Variants in CISD3 observed in about 807,000 individuals in gnomAD.
CISD3 encodes CDGSH iron-sulfur domain-containing protein 3, mitochondrial.
CISD3 carries 11 observed loss-of-function variants against 14.1 expected under a neutral mutation model. The observed-to-expected ratio is 0.78, with a 90% CI of 0.49 to 1.29. CISD3 has a LOEUF of 1.29. Among genes scored for constraint, CISD3 ranks in the 50% most tolerant of loss-of-function variants. The pLI, the probability that CISD3 is intolerant of heterozygous loss-of-function variation, is 0.00. For synonymous variants in CISD3, 53 were observed against 69.2 expected (o/e 0.77, Z 1.16); for missense variants, 156 against 171.6 (o/e 0.91, Z 0.51).
rs1906572977 is a variant in CISD3 at position 38,735,062 on chromosome 17, G to T, written c.*1607G>T. 1.6e-5 allele frequency: 7 copies of T among 449,672 alleles called. No individual in the cohort carries two copies. Among genetic ancestry groups the T allele is most frequent in the East Asian group, 1.1e-4 (3 of 28,392 alleles). The allele number at this position is 449,672 out of a possible 1,614,324, so 27.9% of individuals were successfully genotyped here. On this transcript the variant is annotated 3_prime_UTR_variant, in exon 4 of 4. Coordinates refer to ENST00000613478, the MANE Select transcript of CISD3 (RefSeq NM_001136498.2). ...CATAGAAAATAAGTATGTATATTTG[G>T]TTTTTCCTATGTACATATATATATA...
At chr17:38,731,028 G>C in intron 2 of CISD3, 1 of 635,442 alleles carries the variant, frequency 1.6e-6, no homozygotes, top group South Asian at 2.0e-5. Context: ...CCTGCCGTAG[G>C]CTGGAAGGAT....
At chr17:38,732,202 T>G (rs896700633) in intron 3 of CISD3, among the ~76,000 whole-genome samples, 1 of 152,212 alleles carries the variant, frequency 6.6e-6, no homozygotes, top group African/African-American at 2.4e-5. Flanking sequence ...CTTCAAGCTA[T>G]GTGGCATGGT....
chr17:38,731,371 C>G lies in CISD3; in HGVS notation c.136C>G (p.Pro46Ala), dbSNP rs1906327675. Residue 46 changes from proline to alanine, a missense_variant, in exon 3 of 4, where the codon CCC becomes GCC. Coordinates refer to ENST00000613478, the MANE Select transcript of CISD3 (RefSeq NM_001136498.2). ...CAGGTCCGTGGTGGCCCTGAAGACCCCCATCAAGGTGGAGCTGGTGGCAGG... is the reference window on the plus strand; with the variant it reads ...CAGGTCCGTGGTGGCCCTGAAGACCGCCATCAAGGTGGAGCTGGTGGCAGG... ...PARSVVALKT[P>A]IKVELVAGKT... The G allele has an allele frequency of 6.4e-7, 1 of 1,551,642 alleles. No individual in the cohort carries two copies. Among genetic ancestry groups the G allele is most frequent in the Non-Finnish European group, 8.7e-7 (1 of 1,146,974 alleles).
chr17:38,730,860 G>A (rs948543797), intron 2 of CISD3, 65 bp downstream of exon 2: 17 of 1,475,574 alleles, frequency 1.2e-5, no homozygotes, highest in East Asian at 2.5e-5. Context: ...CTCAAAGGCA[G>A]AAACAGGAAA....
intron 2 of CISD3, 35 bp from the exon 3 acceptor site, chr17:38,731,285 G>A (rs1177741865): frequency 6.5e-7 from 1 of 1,549,106 alleles, no homozygotes; most frequent in Admixed American, 2.0e-5. Flanking sequence ...CAGGGCTTGA[G>A]CTAACCCTGA....
chr17:38,735,595 C>A lies in CISD3; in HGVS notation c.*2140C>A. On this transcript the variant is annotated 3_prime_UTR_variant, in exon 4 of 4. Coordinates refer to ENST00000613478, the MANE Select transcript of CISD3 (RefSeq NM_001136498.2). ...GGACACGGTACTTGAGGGGGAGAGG[C>A]CCGTTCTGCGGGGAGAGTGGGGAGG... 1 of 1,564,624 alleles carries A rather than the reference C, an allele frequency of 6.4e-7. No individual in the cohort carries two copies. Among genetic ancestry groups the A allele is most frequent in the Non-Finnish European group, 8.7e-7 (1 of 1,151,348 alleles).
chr17:38,734,976 C>T lies in CISD3; in HGVS notation c.*1521C>T. On this transcript the variant is annotated 3_prime_UTR_variant, in exon 4 of 4. Coordinates refer to ENST00000613478, the MANE Select transcript of CISD3 (RefSeq NM_001136498.2). ...CCCCAAAAAAAATGAACACCATTTT[C>T]CACACATACACACACACATAAAGTT... 1 of 345,188 alleles carries T rather than the reference C, an allele frequency of 2.9e-6. No homozygotes were observed. The highest frequency in any genetic ancestry group is 5.2e-6 in the Non-Finnish European group (1 of 193,552). 21.4% of individuals were successfully genotyped at this position (345,188 alleles called of 1,614,324 possible).
In CISD3 at chr17:38,730,572, C is replaced by T. The variant is rs895687292; in HGVS notation, c.48+166C>T. The T allele has an allele frequency of 7.1e-6, 6 of 841,418 alleles. No individual in the cohort carries two copies. In the East Asian group the frequency reaches 1.4e-4, roughly 19 times the overall value. The allele number at this position is 841,418 out of a possible 1,614,324, so 52.1% of individuals were successfully genotyped here. ...GCTTTTCCCGAGCGCCAGTCCCTGC[C>T]AGGACCTCCGCAGCCAGCACCTTCT... On this transcript the variant is annotated intron_variant, in intron 1 of 3. Transcript: ENST00000613478.
rs961063186 is a variant in CISD3 at position 38,734,418 on chromosome 17, T to TG, written c.*964dup. The TG allele has an allele frequency of 9.9e-5, 15 of 151,248 alleles. No homozygotes were observed. Among genetic ancestry groups the TG allele is most frequent in the African/African-American group, 3.4e-4 (14 of 40,966 alleles). The allele number at this position is 151,248 out of a possible 1,614,324, so 9.4% of individuals were successfully genotyped here. A position where few individuals can be genotyped will look rare whatever the true frequency, so the allele number is the denominator to read the frequency against. On this transcript the variant is annotated 3_prime_UTR_variant, in exon 4 of 4. Transcript: ENST00000613478. The stretch of plus-strand genomic sequence containing the variant: ...CCGGTGAGGGTAAGGTTGGTGGGGG[T>TG]GCAGCGCTTCACAATGCTAAAGCCT...
chr17:38,731,461 C>T, intron 3 of CISD3, 22 bp downstream of exon 3: 1 of 1,551,442 alleles, frequency 6.4e-7, no homozygotes, highest in Non-Finnish European at 8.7e-7. Context: ...GTCTGCCTTC[C>T]TACTGATACC....
chr17:38,732,227 G>A (rs1490659362), intron 3 of CISD3, among the ~76,000 whole-genome samples: 1 of 152,172 alleles, frequency 6.6e-6, no homozygotes, highest in Admixed American at 6.5e-5. Context: ...GCAGCCCAGG[G>A]TCCTTGAGTC....
chr17:38,735,514 G>T lies in CISD3; in HGVS notation c.*2059G>T. On this transcript the variant is annotated 3_prime_UTR_variant, in exon 4 of 4. Transcript: ENST00000613478. ...CACACTCGGACGCCCCGCTGGTGTT[G>T]GTGCCCTCGGAGGGGGTGGGCACCG... The T allele has an allele frequency of 6.3e-7, 1 of 1,591,650 alleles. No individual in the cohort carries two copies. Among genetic ancestry groups the T allele is most frequent in the Non-Finnish European group, 8.6e-7 (1 of 1,169,240 alleles).
Position 38,735,314 on chromosome 17 carries a change from C to T in CISD3, c.*1859C>T, listed in dbSNP as rs1049689204. The stretch of plus-strand genomic sequence containing the variant: ...TGTCTGCAGGCAGTTCAAGCTACCC[C>T]CGTTGGCAGCTGTGGTGGCCCCACT... On this transcript the variant is annotated 3_prime_UTR_variant, in exon 4 of 4. Transcript: ENST00000613478. 5 of 1,534,022 alleles carry T rather than the reference C, an allele frequency of 3.3e-6. No individual in the cohort carries two copies. The highest frequency in any genetic ancestry group is 1.9e-5 in the Admixed American group (1 of 52,370).
In CISD3 at chr17:38,735,535, C is replaced by T. The variant is rs1361095291; in HGVS notation, c.*2080C>T. ...TGTTGGTGCCCTCGGAGGGGGTGGGCACCGTGGCTAGGGTGAGCCGCTTGC... is the reference window on the plus strand; with the variant it reads ...TGTTGGTGCCCTCGGAGGGGGTGGGTACCGTGGCTAGGGTGAGCCGCTTGC... On this transcript the variant is annotated 3_prime_UTR_variant, in exon 4 of 4. Coordinates refer to ENST00000613478, the MANE Select transcript of CISD3 (RefSeq NM_001136498.2). 1 of 1,588,908 alleles carries T rather than the reference C, an allele frequency of 6.3e-7. No individual in the cohort carries two copies. The highest frequency in any genetic ancestry group is 1.1e-5 in the South Asian group (1 of 87,352).
At position 38,733,766 on chromosome 17, in the gene CISD3, T is replaced by TG; in HGVS notation, c.*316dup. ...TCCAGATTTTAACCTCTCTGTGGGC[T>TG]GGGGGCACCTGACCAGCCACAGGAG... On this transcript the variant is annotated 3_prime_UTR_variant, in exon 4 of 4. Transcript: ENST00000613478. 1 of 332,964 alleles carries TG rather than the reference T, an allele frequency of 3.0e-6. No homozygotes were observed. The highest frequency in any genetic ancestry group is 5.5e-6 in the Non-Finnish European group (1 of 182,292). The allele number at this position is 332,964 out of a possible 1,614,324, so 20.6% of individuals were successfully genotyped here.
intron 2 of CISD3, 143 bp from the exon 3 acceptor site, chr17:38,731,177 C>T: frequency 8.7e-7 from 1 of 1,151,048 alleles, no homozygotes; most frequent in Non-Finnish European, 1.2e-6. Flanking sequence ...GGGGAACGGT[C>T]TTGTTGGGTG....
Position 38,734,610 on chromosome 17 carries a change from C to G in CISD3, c.*1155C>G, listed in dbSNP as rs1906527098. Reference sequence around the variant, plus strand: ...GGAGGAGGTGATGCAGGTGCCACCTCCACCCTGCACTTGCTCCTCAGAACC... The same window carrying G: ...GGAGGAGGTGATGCAGGTGCCACCTGCACCCTGCACTTGCTCCTCAGAACC... On this transcript the variant is annotated 3_prime_UTR_variant, in exon 4 of 4. Coordinates refer to ENST00000613478, the MANE Select transcript of CISD3 (RefSeq NM_001136498.2). 1 of 152,458 alleles carries G rather than the reference C, an allele frequency of 6.6e-6. No individual in the cohort carries two copies. The highest frequency in any genetic ancestry group is 2.1e-4 in the South Asian group (1 of 4,824). The allele number at this position is 152,458 out of a possible 1,614,324, so 9.4% of individuals were successfully genotyped here. A position where few individuals can be genotyped will look rare whatever the true frequency, so the allele number is the denominator to read the frequency against.
Sources: allele counts gnomAD v4.1 joint callset (sites outside exome capture counted in the v4.1 genomes callset), GRCh38; gene constraint gnomAD v4.1.1; transcripts MANE v1.5; gene names NCBI Gene and HGNC (gene_info 2026-07-23, HGNC 2026-07-21).